RAB19: variants seen among roughly 807,000 people sequenced by gnomAD.
RAB19 encodes ras-related protein Rab-19.
Under a neutral mutation model 17.3 loss-of-function variants are expected in RAB19, and 21 were observed. The ratio of observed to expected loss-of-function variants is 1.21; its 90% CI spans 0.86 to 1.74. RAB19 has a LOEUF of 1.74. RAB19 is among the 40% of genes most tolerant of loss of function. The pLI is 0.00. For synonymous variants in RAB19, 126 were observed against 110.4 expected (o/e 1.14, Z -0.88); for missense variants, 277 against 286.8 (o/e 0.97, Z 0.25).
At position 140,407,693 on chromosome 7, in the gene RAB19, ATTTG is replaced by A; in HGVS notation, c.50_53del (p.Leu17SerfsTer49). The A allele has an allele frequency of 6.2e-7, 1 of 1,613,974 alleles. No individual in the cohort carries two copies. The highest frequency in any genetic ancestry group is 8.5e-7 in the Non-Finnish European group (1 of 1,180,014). ...AGGGCAGCAGATGAGAACTTTGACT[ATTTG>A]TTCAAGATTATCCTCATTGGGGATT... On this transcript the variant is annotated frameshift_variant, in exon 2 of 4. Coordinates refer to ENST00000537763, the MANE Select transcript of RAB19 (RefSeq NM_001008749.3). LOFTEE classifies it high-confidence loss of function.
chr7:140,404,657 C>T (rs1221923710), intron 1 of RAB19, among the ~76,000 whole-genome samples: 1 of 152,006 alleles, frequency 6.6e-6, no homozygotes, highest in African/African-American at 2.4e-5. Flanking sequence ...TTAGAGAAAA[C>T]CAAAGTAAAA....
chr7:140,410,826 A>C, intron 2 of RAB19: 1 of 723,816 alleles, frequency 1.4e-6, no homozygotes, highest in Non-Finnish European at 2.0e-6. Flanking sequence ...ATTTTATATA[A>C]ATAGTATGAG....
intron 1 of RAB19, 141 bp from the exon 2 acceptor site, chr7:140,407,483 G>T: frequency 1.6e-6 from 1 of 620,794 alleles, no homozygotes; most frequent in Non-Finnish European, 2.9e-6. Context: ...AGCTTATGGG[G>T]ACAACTCCTC....
At chr7:140,405,751 T>G (rs997612326) in intron 1 of RAB19, among the ~76,000 whole-genome samples, 1 of 138,102 alleles carries the variant, frequency 7.2e-6, no homozygotes, top group Admixed American at 7.8e-5. Flanking sequence ...ATCATACCAC[T>G]GCACTCCAGC....
intron 3 of RAB19, among the ~76,000 whole-genome samples, chr7:140,413,565 G>C (rs1799404090): frequency 6.6e-6 from 1 of 152,100 alleles, no homozygotes; most frequent in Admixed American, 6.6e-5. Flanking sequence ...GTGAGATGTG[G>C]TGGCACAGGC....
intron 3 of RAB19, among the ~76,000 whole-genome samples, chr7:140,413,552 A>G (rs1799403784): frequency 6.6e-6 from 1 of 152,082 alleles, no homozygotes; most frequent in African/African-American, 2.4e-5. Context: ...ACAAAACAAA[A>G]TAGTGAGATG....
At chr7:140,422,807 A>G (rs1195627767) in intron 3 of RAB19, among the ~76,000 whole-genome samples, 3 of 152,010 alleles carry the variant, frequency 2.0e-5, no homozygotes, top group Non-Finnish European at 4.4e-5. Flanking sequence ...CCCTGTCTCA[A>G]AAAAAATGAA....
chr7:140,420,988 G>A (rs995498570), intron 3 of RAB19, among the ~76,000 whole-genome samples: 5 of 152,034 alleles, frequency 3.3e-5, no homozygotes, highest in Non-Finnish European at 7.4e-5. Context: ...CACCTCCCGG[G>A]TTCAAGCAAT....
chr7:140,418,537 C>A (rs1259387686), intron 3 of RAB19, among the ~76,000 whole-genome samples: 1 of 150,456 alleles, frequency 6.6e-6, no homozygotes, highest in East Asian at 1.9e-4. Context: ...GATTGCGCCA[C>A]TGCACTCCAG....
At chr7:140,419,390 C>T (rs1233150541) in intron 3 of RAB19, among the ~76,000 whole-genome samples, 2 of 151,946 alleles carry the variant, frequency 1.3e-5, no homozygotes, top group African/African-American at 4.8e-5. Context: ...TTGTTTTGTA[C>T]GTTATATATA....
intron 2 of RAB19, among the ~76,000 whole-genome samples, chr7:140,408,475 T>C (rs896482330): frequency 2.8e-4 from 42 of 151,652 alleles, no homozygotes; most frequent in Non-Finnish European, 4.4e-5. Context: ...GGGCTTTTTG[T>C]TTTTGTTTTT....
At chr7:140,425,500 C>T (rs955255843) in intron 3 of RAB19, among the ~76,000 whole-genome samples, 12 of 151,286 alleles carry the variant, frequency 7.9e-5, no homozygotes, top group East Asian at 4.0e-4. Context: ...CCGAAGCAGG[C>T]GATCACCTGA....
rs1428377700 is a variant in RAB19 at position 140,412,042 on chromosome 7, G to T, written c.370G>T (p.Val124Phe). Residue 124 changes from valine (V) to phenylalanine (F), a missense_variant, in exon 3 of 4, where the codon GTC (valine) becomes TTC (phenylalanine). Val to Phe is a conservative substitution (Grantham distance 50). Coordinates refer to ENST00000537763, the MANE Select transcript of RAB19 (RefSeq NM_001008749.3). ...AGAGAAATATGGAGCTGCAAATGTGGTCATTATGCTGATTGGTATGGCATT... is the reference window on the plus strand; with the variant it reads ...AGAGAAATATGGAGCTGCAAATGTGTTCATTATGCTGATTGGTATGGCATT... ...EIEKYGAANV[V>F]IMLIGNKCDL... 4 of 1,612,070 alleles carry T rather than the reference G, an allele frequency of 2.5e-6. No homozygotes were observed. The highest frequency in any genetic ancestry group is 2.2e-5 in the South Asian group (2 of 91,094).
intron 1 of RAB19, among the ~76,000 whole-genome samples, chr7:140,406,603 C>T (rs1303123170): frequency 6.6e-6 from 1 of 150,718 alleles, no homozygotes; most frequent in Non-Finnish European, 1.5e-5. Context: ...CATGCCATTG[C>T]ACTCCAGCCT....
At position 140,412,033 on chromosome 7, in the gene RAB19, G is replaced by C. The variant is rs767237902; in HGVS notation, c.361G>C (p.Ala121Pro). ...TCATGAGATAGAGAAATATGGAGCT[G>C]CAAATGTGGTCATTATGCTGATTGG... Reference protein sequence around the residue: ...WIHEIEKYGAANVVIMLIGNK... With the variant: ...WIHEIEKYGAPNVVIMLIGNK... The change falls in exon 3 of 4, where the codon GCA becomes CCA. Residue 121 changes from alanine to proline, a missense_variant. Ala to Pro is a conservative substitution (Grantham distance 27). Coordinates refer to ENST00000537763, the MANE Select transcript of RAB19 (RefSeq NM_001008749.3). 6.2e-7 allele frequency: 1 copy of C among 1,612,870 alleles called. No homozygotes were observed. The highest frequency in any genetic ancestry group is 8.5e-7 in the Non-Finnish European group (1 of 1,180,032).
chr7:140,423,421 CAGAG>C (rs1304175940), intron 3 of RAB19, among the ~76,000 whole-genome samples: 1 of 144,222 alleles, frequency 6.9e-6, no homozygotes, highest in Admixed American at 7.1e-5. Flanking sequence ...GCCTGGGTAA[CAGAG>C]AGAGACTACA....
chr7:140,404,264 G>C (rs950373655), intron 1 of RAB19, 47 bp downstream of exon 1: 1 of 152,476 alleles, frequency 6.6e-6, no homozygotes, highest in African/African-American at 2.4e-5. Flanking sequence ...GGATGCCGGC[G>C]GGAGGACATC....
At position 140,420,747 on chromosome 7, in the gene RAB19, G is replaced by A. The variant is rs1585430214; in HGVS notation, c.386-5135G>A. Among the ~76,000 whole-genome samples the A allele has an allele frequency of 3.3e-5, 5 of 152,014 alleles. No homozygotes were observed. The South Asian group carries it at 1.0e-3, about 32-fold the overall frequency. On this transcript the variant is annotated intron_variant, in intron 3 of 3. Coordinates refer to ENST00000537763, the MANE Select transcript of RAB19 (RefSeq NM_001008749.3). Reference sequence around the variant, plus strand: ...TTGGGCTGTCTGTGACCTGCATTCTGGGCACTAGGTTCTCTTGAAGGAGGC... The same window carrying A: ...TTGGGCTGTCTGTGACCTGCATTCTAGGCACTAGGTTCTCTTGAAGGAGGC...
rs371575964 is a variant in RAB19, at chr7:140,422,249, C to T, written c.386-3633C>T. On this transcript the variant is annotated intron_variant, in intron 3 of 3. Transcript: ENST00000537763. ...TAGAAAAATACAAAAATTAGCTGGGCGTCGTGGTGGGTGCCTGTAATCCCA... is the reference window on the plus strand; with the variant it reads ...TAGAAAAATACAAAAATTAGCTGGGTGTCGTGGTGGGTGCCTGTAATCCCA... 2.6e-5 allele frequency among the ~76,000 whole-genome samples: 4 copies of T among 152,084 alleles called. No individual in the cohort carries two copies. In the East Asian group the frequency reaches 5.8e-4, roughly 22 times the overall value.
Sources: gnomAD v4.1 joint callset for allele counts (sites outside exome capture counted in the v4.1 genomes callset) on GRCh38, gnomAD v4.1.1 for gene constraint, MANE v1.5 for transcripts, NCBI Gene and HGNC (gene_info 2026-07-23, HGNC 2026-07-21) for gene names.